ZFPM2: variants seen among roughly 807,000 people sequenced by gnomAD.
The protein encoded by ZFPM2 is zinc finger protein, FOG family member 2.
In ZFPM2, 20 loss-of-function variants were observed where a neutral mutation model predicts 98.6. That is an observed-to-expected ratio of 0.20 (90% CI 0.14 to 0.29). The LOEUF (loss-of-function observed/expected upper bound fraction) is 0.29. ZFPM2 is among the 10% of genes least tolerant of loss of function. ZFPM2 has a pLI of 1.00. For missense variants in ZFPM2, 1,310 were observed against 1,388.6 expected (o/e 0.94, Z 0.90); for synonymous variants, 518 against 502.7 (o/e 1.03, Z -0.41).
chr8:105,323,907 T>C (rs568059614), intron 1 of ZFPM2, among the ~76,000 whole-genome samples: 1 of 152,018 alleles, frequency 6.6e-6, no homozygotes, highest in Admixed American at 6.5e-5. Flanking sequence ...CTGGTAACTT[T>C]CAAAGTAGTT....
intron 4 of ZFPM2, among the ~76,000 whole-genome samples, chr8:105,595,138 A>G (rs1156632983): frequency 6.6e-6 from 1 of 152,170 alleles, no homozygotes; most frequent in Non-Finnish European, 1.5e-5. Context: ...AAAGTCTAAT[A>G]GTAGAAACCA....
In ZFPM2 at chr8:105,475,312, A is replaced by G. The variant is rs954526577; in HGVS notation, c.301+30931A>G. ...ATCCTCTCTGCTTCTCATTGTTATG[A>G]CATCTCAACCAACGATTCATTTGAA... On this transcript the variant is annotated intron_variant, in intron 3 of 7. Transcript: ENST00000407775. 2.6e-5 allele frequency among the ~76,000 whole-genome samples: 4 copies of G among 152,226 alleles called. 1 individual carries two copies. The highest frequency in any genetic ancestry group is 6.5e-5 in the Admixed American group (1 of 15,286).
chr8:105,791,689 G>A (rs1813617259), intron 6 of ZFPM2, among the ~76,000 whole-genome samples: 1 of 152,116 alleles, frequency 6.6e-6, no homozygotes, highest in African/African-American at 2.4e-5. Context: ...TTGTACCTCT[G>A]GTAGAATTCG....
At chr8:105,413,823 ATAT>A (rs1247236835) in intron 1 of ZFPM2, among the ~76,000 whole-genome samples, 1 of 151,916 alleles carries the variant, frequency 6.6e-6, no homozygotes, top group Non-Finnish European at 1.5e-5. Flanking sequence ...TTAATTTTTA[ATAT>A]TAATAATGCT....
Position 105,344,134 on chromosome 8 carries a change from A to G in ZFPM2, c.40+25153A>G, listed in dbSNP as rs192517967. ...AACAGTACAGGAAAGACCCGCCCCCATGATCCAATTACCTCTCACTGTGTC... is the reference window on the plus strand; with the variant it reads ...AACAGTACAGGAAAGACCCGCCCCCGTGATCCAATTACCTCTCACTGTGTC... On this transcript the variant is annotated intron_variant, in intron 1 of 7. Transcript: ENST00000407775. 1.5e-4 allele frequency among the ~76,000 whole-genome samples: 23 copies of G among 152,224 alleles called. No individual in the cohort carries two copies. In the East Asian group the frequency reaches 3.5e-3, roughly 23 times the overall value.
chr8:105,499,120 T>A (rs1428018622), intron 3 of ZFPM2, among the ~76,000 whole-genome samples: 2 of 152,064 alleles, frequency 1.3e-5, no homozygotes, highest in East Asian at 3.9e-4. Context: ...TCTCTGCTGG[T>A]GTTCCCCACC....
intron 4 of ZFPM2, among the ~76,000 whole-genome samples, chr8:105,592,061 C>T (rs1202299484): frequency 6.7e-6 from 1 of 149,632 alleles, no homozygotes; most frequent in East Asian, 1.9e-4. Context: ...TATGAAAACC[C>T]TCTGAAAAAT....
At chr8:105,764,819 T>C (rs1812822380) in intron 5 of ZFPM2, among the ~76,000 whole-genome samples, 1 of 151,822 alleles carries the variant, frequency 6.6e-6, no homozygotes, top group African/African-American at 2.4e-5. Context: ...CATTTTCATT[T>C]AGAAGAAAAA....
intron 5 of ZFPM2, among the ~76,000 whole-genome samples, chr8:105,747,842 CAT>C (rs1307553041): frequency 6.6e-6 from 1 of 152,076 alleles, no homozygotes; most frequent in Non-Finnish European, 1.5e-5. Context: ...TAGCAAATGA[CAT>C]TTTCAAAGTG....
intron 3 of ZFPM2, among the ~76,000 whole-genome samples, chr8:105,550,294 T>C (rs559433178): frequency 6.6e-6 from 1 of 152,274 alleles, no homozygotes; most frequent in South Asian, 2.1e-4. Context: ...GCTAATCTTA[T>C]AAATGAATCC....
intron 5 of ZFPM2, among the ~76,000 whole-genome samples, chr8:105,653,951 A>G (rs1817235070): frequency 7.4e-6 from 1 of 135,420 alleles, no homozygotes; most frequent in Non-Finnish European, 1.5e-5. Context: ...ATGCTGCTCT[A>G]CTCTACTTAA....
At chr8:105,713,224 T>C (rs1811444443) in intron 5 of ZFPM2, among the ~76,000 whole-genome samples, 1 of 152,136 alleles carries the variant, frequency 6.6e-6, no homozygotes, top group Admixed American at 6.6e-5. Flanking sequence ...ATGATAGCCA[T>C]TCTGACTGGT....
At chr8:105,637,178 A>G (rs1816862142) in intron 5 of ZFPM2, among the ~76,000 whole-genome samples, 1 of 152,152 alleles carries the variant, frequency 6.6e-6, no homozygotes, top group Non-Finnish European at 1.5e-5. Flanking sequence ...ATAGAGAGCT[A>G]ACAATAGAGC....
chr8:105,790,888 C>G (rs1395838718), intron 6 of ZFPM2, among the ~76,000 whole-genome samples: 2 of 151,952 alleles, frequency 1.3e-5, no homozygotes, highest in Non-Finnish European at 2.9e-5. Context: ...TGATTTGGCT[C>G]TCTGTTTGTT....
At chr8:105,345,227 C>T (rs1186694915) in intron 1 of ZFPM2, among the ~76,000 whole-genome samples, 1 of 151,886 alleles carries the variant, frequency 6.6e-6, no homozygotes, top group Non-Finnish European at 1.5e-5. Context: ...GAATTTTTCC[C>T]CTATCATAAA....
chr8:105,377,818 G>A (rs1474795887), intron 1 of ZFPM2, among the ~76,000 whole-genome samples: 1 of 151,884 alleles, frequency 6.6e-6, no homozygotes, highest in Non-Finnish European at 1.5e-5. Flanking sequence ...TGAATGAATA[G>A]ATATTTGGAT....
intron 1 of ZFPM2, among the ~76,000 whole-genome samples, chr8:105,372,663 G>A (rs1179985291): frequency 2.0e-5 from 3 of 152,122 alleles, no homozygotes; most frequent in African/African-American, 7.2e-5. Flanking sequence ...CTATATTAGT[G>A]TATACTTAGT....
intron 5 of ZFPM2, among the ~76,000 whole-genome samples, chr8:105,749,403 C>A (rs770775467): frequency 6.6e-6 from 1 of 152,002 alleles, no homozygotes; most frequent in Non-Finnish European, 1.5e-5. Context: ...TTCCCTTTAT[C>A]AAACATATAT....
intron 5 of ZFPM2, among the ~76,000 whole-genome samples, chr8:105,740,825 T>C (rs1812197650): frequency 6.6e-6 from 1 of 151,984 alleles, no homozygotes. Flanking sequence ...TATAATTTGC[T>C]AAATGATAAA....
Sources: allele counts gnomAD v4.1 joint callset (sites outside exome capture counted in the v4.1 genomes callset), GRCh38; gene constraint gnomAD v4.1.1; transcripts MANE v1.5; gene names NCBI Gene and HGNC (gene_info 2026-07-23, HGNC 2026-07-21).